The following FARP1 variants were observed in gnomAD, a reference collection of about 807,000 sequenced individuals.
The protein encoded by FARP1 is FERM, ARH/RhoGEF and pleckstrin domain protein 1, also known as FERM, ARHGEF and pleckstrin domain-containing protein 1.
A neutral mutation model predicts 128.8 loss-of-function variants in FARP1; 52 were observed. The ratio of observed to expected loss-of-function variants is 0.40; its 90% CI spans 0.32 to 0.51. FARP1 has a LOEUF of 0.51. FARP1 is among the 20% of genes least tolerant of loss of function. FARP1 has a pLI of 0.45. For synonymous variants in FARP1, 580 were observed against 551.8 expected (o/e 1.05, Z -0.72); for missense variants, 1,333 against 1,367.9 (o/e 0.97, Z 0.40).
At chr13:98,292,285 A>C (rs1295828686) in intron 2 of FARP1, among the ~76,000 whole-genome samples, 1 of 152,232 alleles carries the variant, frequency 6.6e-6, no homozygotes, top group Non-Finnish European at 1.5e-5. Context: ...TGAAGTGTTA[A>C]TTTGCTTCCC....
intron 8 of FARP1, chr13:98,386,114 G>C (rs1594474358): frequency 2.1e-5 from 5 of 236,194 alleles, no homozygotes; most frequent in Middle Eastern, 1.3e-3. Context: ...ACAGTCTAAT[G>C]GAATCGAGAT....
chr13:98,364,832 G>C (rs1889016421), intron 3 of FARP1, among the ~76,000 whole-genome samples: 1 of 152,240 alleles, frequency 6.6e-6, no homozygotes, highest in South Asian at 2.1e-4. Flanking sequence ...CTCTCTAGCT[G>C]AGGGACCTGG....
Position 98,176,555 on chromosome 13 carries a change from G to A in FARP1, c.-24+33063G>A, listed in dbSNP as rs151316967. 9.3e-6 allele frequency: 15 copies of A among 1,614,048 alleles called. No individual in the cohort carries two copies. Among genetic ancestry groups the A allele is most frequent in the Middle Eastern group, 1.6e-4 (1 of 6,084 alleles). On this transcript the variant is annotated intron_variant, in intron 1 of 26. Coordinates refer to ENST00000319562, the MANE Select transcript of FARP1 (RefSeq NM_005766.4). This position sits in a 1 kb window ranked among gnomAD's most constrained non-coding sequence, Gnocchi z 6.2. ...CAGTAGCGACCCTCTTCAAGCTCCC[G>A]TTCAATCTCCCACCCGAGCTTGTAA...
In FARP1 at chr13:98,390,187, T is replaced by G; in HGVS notation, c.1019+67T>G. On this transcript the variant is annotated intron_variant, in intron 10 of 26. Coordinates refer to ENST00000319562, the MANE Select transcript of FARP1 (RefSeq NM_005766.4). Reference sequence around the variant, plus strand: ...TTTTCCTCCCGCCTCTCACAGCCGCTGTGACACACAGCAGGTCAGGGAGGT... The same window carrying G: ...TTTTCCTCCCGCCTCTCACAGCCGCGGTGACACACAGCAGGTCAGGGAGGT... 2.0e-6 allele frequency: 3 copies of G among 1,533,186 alleles called. No individual in the cohort carries two copies. The Admixed American group carries it at 5.3e-5, about 27-fold the overall frequency. The allele number at this position is 1,533,186 out of a possible 1,614,324, so 95.0% of individuals were successfully genotyped here. A position where few individuals can be genotyped will look rare whatever the true frequency, so the allele number is the denominator to read the frequency against.
chr13:98,267,301 T>C (rs1368187117), intron 2 of FARP1, among the ~76,000 whole-genome samples: 2 of 152,194 alleles, frequency 1.3e-5, no homozygotes, highest in African/African-American at 4.8e-5. Flanking sequence ...TTGAGTAAAC[T>C]TGGCCTCTGC....
intron 15 of FARP1, among the ~76,000 whole-genome samples, chr13:98,411,052 A>G (rs1450936897): frequency 6.6e-6 from 1 of 152,198 alleles, no homozygotes; most frequent in East Asian, 1.9e-4. Flanking sequence ...GGAAGTTCCT[A>G]AGGCAGAGAA....
Position 98,446,772 on chromosome 13 carries a change from CCCA to C in FARP1, c.3013_3015del (p.His1005del). On this transcript the variant is annotated inframe_deletion, in exon 26 of 27. Transcript: ENST00000319562. ...TACGTGTTCAAGCTGCACTTCAAGT[CCCA>C]CGTCTACTACTTCAGGGCGGAAAGC... is the stretch of plus-strand genomic sequence containing the variant. The C allele has an allele frequency of 6.2e-7, 1 of 1,614,148 alleles. No homozygotes were observed. Among genetic ancestry groups the C allele is most frequent in the South Asian group, 1.1e-5 (1 of 91,074 alleles).
At chr13:98,389,626 C>G (rs1301223455) in intron 9 of FARP1, 3 of 202,570 alleles carry the variant, frequency 1.5e-5, no homozygotes, top group African/African-American at 7.0e-5. Context: ...CTTTCAGTAT[C>G]TGGGTTTTGT....
rs578074418 is a variant in FARP1 at position 98,384,961 on chromosome 13, G to A, written c.611+117G>A. 3.5e-4 allele frequency: 231 copies of A among 662,834 alleles called. 1 individual carries two copies. Among genetic ancestry groups the A allele is most frequent in the African/African-American group, 4.3e-4 (24 of 55,656 alleles). 41.1% of individuals were successfully genotyped at this position (662,834 alleles called of 1,614,324 possible). On this transcript the variant is annotated intron_variant, in intron 7 of 26. Coordinates refer to ENST00000319562, the MANE Select transcript of FARP1 (RefSeq NM_005766.4). Reference sequence around the variant, plus strand: ...ACTATTGTGGAGAACAACACAAAGCGTGAGGAAAGAAGATCACAGAGGCTC... The same window carrying A: ...ACTATTGTGGAGAACAACACAAAGCATGAGGAAAGAAGATCACAGAGGCTC...
At position 98,318,045 on chromosome 13, in the gene FARP1, C is replaced by CTCCT. The variant is rs1322855800; in HGVS notation, c.172-25706_172-25703dup. 4.1e-5 allele frequency among the ~76,000 whole-genome samples: 6 copies of CTCCT among 146,776 alleles called. 1 individual carries two copies. Among genetic ancestry groups the CTCCT allele is most frequent in the Admixed American group, 1.4e-4 (2 of 14,570 alleles). On this transcript the variant is annotated intron_variant, in intron 2 of 26. Coordinates refer to ENST00000319562, the MANE Select transcript of FARP1 (RefSeq NM_005766.4). ...CTTCTTCCTCCTCCTCCCTCTTCAT[C>CTCCT]TCCTTCCTTCCTTCTCCTCCTCCTT...
intron 1 of FARP1, chr13:98,159,717 C>G (rs1283509413): frequency 2.0e-5 from 3 of 152,114 alleles, no homozygotes; most frequent in South Asian, 2.1e-4. Context: ...ATGATCCCCC[C>G]ACCTCGGCCT....
intron 4 of FARP1, among the ~76,000 whole-genome samples, chr13:98,366,870 T>C (rs1889108067): frequency 6.6e-6 from 1 of 152,212 alleles, no homozygotes; most frequent in Admixed American, 6.5e-5. Context: ...AACATCTTTA[T>C]TGTATGTCAT....
chr13:98,244,496 G>A (rs1367768288), intron 2 of FARP1: 5 of 1,613,976 alleles, frequency 3.1e-6, no homozygotes, highest in African/African-American at 2.7e-5. Flanking sequence ...CCCAGATGGT[G>A]TCCTCATCCT....
intron 2 of FARP1, among the ~76,000 whole-genome samples, chr13:98,269,472 G>T (rs1457991389): frequency 6.6e-6 from 1 of 152,174 alleles, no homozygotes; most frequent in East Asian, 1.9e-4. Flanking sequence ...CGTGTACTGT[G>T]TTCTAAGCCA....
In FARP1 at chr13:98,404,013, C is replaced by CCAT. The variant is rs1555292291; in HGVS notation, c.1415-5323_1415-5322insTCA. ...AACACTGCCTCCACCACCACCACCACCACCATCACCACCACCACTGCTACT... is the reference window on the plus strand; with the variant it reads ...AACACTGCCTCCACCACCACCACCACCATCACCATCACCACCACCACTGCTACT... On this transcript the variant is annotated intron_variant, in intron 13 of 26. Coordinates refer to ENST00000319562, the MANE Select transcript of FARP1 (RefSeq NM_005766.4). The CCAT allele has an allele frequency of 1.1e-4, 15 of 141,246 alleles. No homozygotes were observed. In the South Asian group the frequency reaches 1.2e-3, roughly 11 times the overall value. 8.7% of individuals were successfully genotyped at this position (141,246 alleles called of 1,614,324 possible). A position where few individuals can be genotyped will look rare whatever the true frequency, so the allele number is the denominator to read the frequency against.
At chr13:98,432,319 T>C (rs148193499) in intron 18 of FARP1, 6 of 152,368 alleles carry the variant, frequency 3.9e-5, no homozygotes, top group Non-Finnish European at 5.9e-5. Flanking sequence ...TTTAGATCAA[T>C]TGCATTATCC....
chr13:98,270,508 G>A (rs7327573), intron 2 of FARP1, among the ~76,000 whole-genome samples: 117,376 of 152,098 alleles, frequency 0.77, 45,491 homozygotes, highest in East Asian at 0.97. Flanking sequence ...TTCCTTGGGA[G>A]AATTCATTTT....
chr13:98,175,025 G>A (rs1167660504), intron 1 of FARP1, among the ~76,000 whole-genome samples: 2 of 152,142 alleles, frequency 1.3e-5, no homozygotes, highest in Non-Finnish European at 2.9e-5. Flanking sequence ...AAGTTTTGCC[G>A]AAGTTCGCTC....
Position 98,287,379 on chromosome 13 carries a change from G to A in FARP1, c.172-56383G>A, listed in dbSNP as rs148342498. On this transcript the variant is annotated intron_variant, in intron 2 of 26. Transcript: ENST00000319562. ...CGAGTAGCTGGGACTACAGGCGCCC[G>A]CCACCACACCTGGCTAATTTTTTGT... 9.3e-3 allele frequency among the ~76,000 whole-genome samples: 1,406 copies of A among 150,724 alleles called. 27 individuals carry two copies. The highest frequency in any genetic ancestry group is 0.032 in the East Asian group (163 of 5,072).
Sources: allele counts gnomAD v4.1 joint callset (sites outside exome capture counted in the v4.1 genomes callset), GRCh38; gene constraint gnomAD v4.1.1; non-coding constraint Gnocchi (gnomAD v3.1); transcripts MANE v1.5; gene names NCBI Gene and HGNC (gene_info 2026-07-23, HGNC 2026-07-21).